The following KANSL1 variants were observed in gnomAD, a reference collection of about 807,000 sequenced individuals.
KANSL1 encodes KAT8 regulatory NSL complex subunit 1, also known as MLL1/MLL complex subunit KANSL1.
In KANSL1, 22 loss-of-function variants were observed where a neutral mutation model predicts 103.6. The observed-to-expected ratio is 0.21, with a 90% CI of 0.15 to 0.30. KANSL1 has a LOEUF of 0.30. Ranked by LOEUF, KANSL1 falls within the 10% of genes least tolerant of loss-of-function variation. The pLI is 1.00. For missense variants in KANSL1, 1,337 were observed against 1,399.8 expected, an observed-to-expected ratio of 0.96 and a Z score of 0.72; for synonymous variants, 600 against 527.6, an observed-to-expected ratio of 1.14 and a Z score of -1.88.
At position 46,038,560 on chromosome 17, in the gene KANSL1, G is replaced by A; in HGVS notation, c.2519C>T (p.Ser840Leu). Residue 840 changes from serine (S) to leucine (L), a missense_variant, in exon 10 of 15, where the codon TCA becomes TTA. Physicochemically the swap from Ser to Leu is moderately radical, Grantham distance 145 (BLOSUM62 -2). Transcript: ENST00000432791. ...SDSPAPASSS[S>L]QVTASTSQQP... Reference sequence around the variant, plus strand: ...TACCGATGTGCTGGCTGTAACCTGTGAGCTAGAGCTGGCGGGTGCAGGGGA... The same window carrying A: ...TACCGATGTGCTGGCTGTAACCTGTAAGCTAGAGCTGGCGGGTGCAGGGGA... The A allele has an allele frequency of 1.9e-6, 3 of 1,614,142 alleles. No homozygotes were observed. Among genetic ancestry groups the A allele is most frequent in the Non-Finnish European group, 2.5e-6 (3 of 1,180,006 alleles).
chr17:46,039,775 G>C lies in KANSL1; in HGVS notation c.2130C>G (p.Pro710=). The C allele has an allele frequency of 6.2e-7, 1 of 1,614,212 alleles. No homozygotes were observed. The highest frequency in any genetic ancestry group is 8.5e-7 in the Non-Finnish European group (1 of 1,180,044). The change falls in exon 8 of 15, where the codon CCC becomes CCG. Residue 710 remains proline, a synonymous_variant. Coordinates refer to ENST00000432791, the MANE Select transcript of KANSL1 (RefSeq NM_015443.4). ...CTGAATCTGGCAGACTGCCCGGCAT[G>C]GGTGCTCTGTGCTTAAGCGATAACT... The part of the protein sequence containing the change: ...PKKLSLKHRA[P]MPGSLPDSAR...
chr17:46,142,421 C>T (rs2044467985), intron 2 of KANSL1, among the ~76,000 whole-genome samples: 1 of 152,126 alleles, frequency 6.6e-6, no homozygotes, highest in African/African-American at 2.4e-5. Flanking sequence ...TTGAGACCAG[C>T]CTGGGCAACA....
At chr17:46,111,698 A>G (rs1413028329) in intron 2 of KANSL1, among the ~76,000 whole-genome samples, 1 of 152,244 alleles carries the variant, frequency 6.6e-6, no homozygotes, top group Non-Finnish European at 1.5e-5. Context: ...CTCAATTCTC[A>G]GAAGAAAGAA....
At chr17:46,048,880 A>T (rs978582694) in intron 7 of KANSL1, among the ~76,000 whole-genome samples, 38 of 152,226 alleles carry the variant, frequency 2.5e-4, no homozygotes, top group Admixed American at 1.3e-4. Context: ...ATTAATTGAA[A>T]AAAAAAACTT....
chr17:46,044,054 A>G (rs991804984), intron 7 of KANSL1: 9 of 152,090 alleles, frequency 5.9e-5, no homozygotes, highest in Admixed American at 1.3e-4. Context: ...CTAGTAAGTG[A>G]TAATACCTAG....
intron 6 of KANSL1, 26 bp from the exon 7 acceptor site, chr17:46,050,730 A>G (rs1216595806): frequency 6.3e-7 from 1 of 1,595,266 alleles, no homozygotes; most frequent in Non-Finnish European, 8.6e-7. Context: ...AACAAAACTG[A>G]CAATTCAGCA....
At chr17:46,192,494 A>T (rs2047385228) in intron 1 of KANSL1, 2 of 152,820 alleles carry the variant, frequency 1.3e-5, no homozygotes, top group Non-Finnish European at 2.9e-5. Context: ...GGCGAGAGCC[A>T]GAGTTTGTTT....
At chr17:46,122,625 C>A (rs1380257014) in intron 2 of KANSL1, among the ~76,000 whole-genome samples, 1 of 152,140 alleles carries the variant, frequency 6.6e-6, no homozygotes, top group Non-Finnish European at 1.5e-5. Flanking sequence ...TAAAAAAAAA[C>A]AAATTCAATG....
chr17:46,138,153 C>A (rs1008893169), intron 2 of KANSL1, among the ~76,000 whole-genome samples: 2 of 152,152 alleles, frequency 1.3e-5, no homozygotes, highest in African/African-American at 4.8e-5. Flanking sequence ...AACCCAAGAT[C>A]CAAAAAGTTC....
intron 2 of KANSL1, among the ~76,000 whole-genome samples, chr17:46,150,473 GAATTT>G: frequency 6.6e-6 from 1 of 152,308 alleles, no homozygotes; most frequent in Non-Finnish European, 1.5e-5. Context: ...CCTGTGGGCA[GAATTT>G]ATTTACAAGT....
chr17:46,062,121 A>ACAAACAAAC (rs573699659), intron 6 of KANSL1, among the ~76,000 whole-genome samples: 1 of 90,602 alleles, frequency 1.1e-5, no homozygotes, highest in African/African-American at 3.8e-5. Flanking sequence ...AAACAAACAA[A>ACAAACAAAC]AAAAAAAAAA....
intron 7 of KANSL1, chr17:46,040,095 A>G: frequency 2.2e-6 from 1 of 454,504 alleles, no homozygotes; most frequent in Non-Finnish European, 3.9e-6. Flanking sequence ...TTCAAGTCCC[A>G]AAGGGAAACA....
chr17:46,056,808 A>G (rs890422907), intron 6 of KANSL1, among the ~76,000 whole-genome samples: 1 of 152,248 alleles, frequency 6.6e-6, no homozygotes, highest in Non-Finnish European at 1.5e-5. Flanking sequence ...TGTTAGCTAA[A>G]TTAGTATACC....
In KANSL1 at chr17:46,056,377, G is replaced by T. The variant is rs562604638; in HGVS notation, c.1849-5673C>A. Among the ~76,000 whole-genome samples, 173 of 152,248 alleles carry T rather than the reference G, an allele frequency of 1.1e-3. 1 individual carries two copies. Among genetic ancestry groups the T allele is most frequent in the African/African-American group, 4.1e-3 (171 of 41,536 alleles). The stretch of plus-strand genomic sequence containing the variant: ...AAAAATTGTGAAGCAATATATAGTG[G>T]TTAACAGTATGAGCTGTGGAGCCAG... On this transcript the variant is annotated intron_variant, in intron 6 of 14. Coordinates refer to ENST00000432791, the MANE Select transcript of KANSL1 (RefSeq NM_015443.4).
At chr17:46,085,095 C>T (rs975940561) in intron 3 of KANSL1, among the ~76,000 whole-genome samples, 22 of 152,000 alleles carry the variant, frequency 1.4e-4, no homozygotes, top group Non-Finnish European at 8.8e-5. Context: ...AACTACTTTC[C>T]CCAAATATTT....
chr17:46,058,207 A>C (rs1209643528), intron 6 of KANSL1, among the ~76,000 whole-genome samples: 1 of 152,244 alleles, frequency 6.6e-6, no homozygotes, highest in Non-Finnish European at 1.5e-5. Flanking sequence ...CTAAATATTA[A>C]AAGGTGCATG....
intron 4 of KANSL1, among the ~76,000 whole-genome samples, chr17:46,072,683 TC>T (rs745967872): frequency 1.3e-5 from 2 of 152,176 alleles, no homozygotes; most frequent in Non-Finnish European, 2.9e-5. Context: ...TTCTGAAAAT[TC>T]CATTTTCACT....
intron 9 of KANSL1, 138 bp from the exon 10 acceptor site, chr17:46,038,824 A>C: frequency 7.2e-6 from 9 of 1,252,770 alleles, no homozygotes; most frequent in Non-Finnish European, 1.0e-5. Context: ...GGTGAAGCAC[A>C]CTAGCTGTGG....
chr17:46,190,906 CTACACATCACACTG>C (rs2047284627), intron 1 of KANSL1, among the ~76,000 whole-genome samples: 1 of 152,166 alleles, frequency 6.6e-6, no homozygotes, highest in African/African-American at 2.4e-5. Context: ...ATTTTTAGAA[CTACACATCACACTG>C]CACATATCAC....
Sources: allele counts gnomAD v4.1 joint callset (sites outside exome capture counted in the v4.1 genomes callset), GRCh38; gene constraint gnomAD v4.1.1; transcripts MANE v1.5; gene names NCBI Gene and HGNC (gene_info 2026-07-23, HGNC 2026-07-21).